The following DLG2 variants were observed in gnomAD, a reference collection of about 807,000 sequenced individuals.
The protein encoded by DLG2 is discs large MAGUK scaffold protein 2.
Under a neutral mutation model 132.5 loss-of-function variants are expected in DLG2, and 45 were observed. The ratio of observed to expected loss-of-function variants is 0.34; its 90% CI spans 0.27 to 0.44. DLG2 has a LOEUF of 0.44. DLG2 is among the 20% of genes least tolerant of loss of function. The pLI, the probability that DLG2 is intolerant of heterozygous loss-of-function variation, is 1.00. For missense variants in DLG2, 1,045 were observed against 1,196.9 expected, an observed-to-expected ratio of 0.87 and a Z score of 1.87; for synonymous variants, 424 against 419.6, an observed-to-expected ratio of 1.01 and a Z score of -0.13.
At chr11:84,364,449 T>C (rs959805310) in intron 7 of DLG2, among the ~76,000 whole-genome samples, 5 of 152,302 alleles carry the variant, frequency 3.3e-5, no homozygotes, top group South Asian at 2.1e-4. Flanking sequence ...AATCATGTCA[T>C]CTGCAAACAG....
chr11:84,767,035 A>T (rs958861094), intron 6 of DLG2, among the ~76,000 whole-genome samples: 1 of 152,046 alleles, frequency 6.6e-6, no homozygotes. Context: ...TATGTTGGAT[A>T]ACATTGGGAA....
intron 6 of DLG2, among the ~76,000 whole-genome samples, chr11:84,708,884 T>A (rs2153752266): frequency 6.6e-6 from 1 of 152,008 alleles, no homozygotes; most frequent in East Asian, 1.9e-4. Flanking sequence ...TTCTTTTGGA[T>A]GGTCATCTGG....
At chr11:83,736,678 ATG>A (rs1456876047) in intron 18 of DLG2, among the ~76,000 whole-genome samples, 2 of 152,152 alleles carry the variant, frequency 1.3e-5, no homozygotes, top group Non-Finnish European at 2.9e-5. Flanking sequence ...ATTTTTGAAA[ATG>A]TAGTTGCTCT....
intron 18 of DLG2, among the ~76,000 whole-genome samples, chr11:83,746,227 G>A (rs1306920812): frequency 6.6e-6 from 1 of 152,136 alleles, no homozygotes; most frequent in Non-Finnish European, 1.5e-5. Context: ...CCATTACTAG[G>A]TATATACCCA....
intron 10 of DLG2, among the ~76,000 whole-genome samples, chr11:84,078,722 G>A (rs2096861611): frequency 6.6e-6 from 1 of 152,114 alleles, no homozygotes; most frequent in Non-Finnish European, 1.5e-5. Flanking sequence ...TACATTAAAA[G>A]TCTGAAATAT....
Position 85,587,696 on chromosome 11 carries a change from A to G in DLG2, c.40+10961T>C, listed in dbSNP as rs115139322. Among the ~76,000 whole-genome samples, 150 of 152,338 alleles carry G rather than the reference A, an allele frequency of 9.8e-4. 1 individual carries two copies. Among genetic ancestry groups the G allele is most frequent in the African/African-American group, 3.4e-3 (142 of 41,594 alleles). ...AGCATTTAGGTCATTTACATTCAAC[A>G]TAAGTACTGAGATGTGAGGTACTGT... On this transcript the variant is annotated intron_variant, in intron 3 of 27. Coordinates refer to ENST00000376104, the MANE Select transcript of DLG2 (RefSeq NM_001142699.3).
At chr11:83,970,983 T>G (rs1203310576) in intron 12 of DLG2, among the ~76,000 whole-genome samples, 2 of 152,192 alleles carry the variant, frequency 1.3e-5, no homozygotes, top group Admixed American at 6.5e-5. Context: ...TGAGTTTGTT[T>G]GGGTTAATTA....
intron 6 of DLG2, among the ~76,000 whole-genome samples, chr11:84,801,903 C>G (rs1346673635): frequency 6.6e-6 from 1 of 152,068 alleles, no homozygotes; most frequent in African/African-American, 2.4e-5. Flanking sequence ...AAGAATTTCC[C>G]ACGTTCTTTG....
chr11:85,527,521 T>C (rs2074869680), intron 3 of DLG2, among the ~76,000 whole-genome samples: 1 of 152,194 alleles, frequency 6.6e-6, no homozygotes, highest in African/African-American at 2.4e-5. Context: ...GCAAAGGACA[T>C]GCACTCATTA....
chr11:85,152,162 AT>A (rs2077298789), intron 5 of DLG2, among the ~76,000 whole-genome samples: 1 of 152,186 alleles, frequency 6.6e-6, no homozygotes, highest in Admixed American at 6.5e-5. Context: ...CAATGCTGAA[AT>A]TCTCTAAAGT....
intron 6 of DLG2, among the ~76,000 whole-genome samples, chr11:85,028,142 G>T (rs1190241506): frequency 1.3e-5 from 2 of 152,096 alleles, no homozygotes; most frequent in East Asian, 1.9e-4. Context: ...GCAGTGGGTG[G>T]CTCCTTTCTG....
At chr11:83,982,202 A>G (rs2092846929) in intron 11 of DLG2, among the ~76,000 whole-genome samples, 1 of 152,128 alleles carries the variant, frequency 6.6e-6, no homozygotes. Flanking sequence ...TATGCTTTTT[A>G]TTGTTATATT....
At chr11:85,454,650 T>C (rs940068539) in intron 3 of DLG2, among the ~76,000 whole-genome samples, 1 of 152,126 alleles carries the variant, frequency 6.6e-6, no homozygotes, top group African/African-American at 2.4e-5. Context: ...TCTTCTAGAG[T>C]TTTTATAGTT....
chr11:85,361,367 A>G (rs1033093489), intron 3 of DLG2, among the ~76,000 whole-genome samples: 1 of 151,666 alleles, frequency 6.6e-6, no homozygotes, highest in African/African-American at 2.4e-5. Context: ...TCTTACATGC[A>G]TACATTCTGT....
intron 19 of DLG2, among the ~76,000 whole-genome samples, chr11:83,589,084 G>C (rs10898141): frequency 2.2e-3 from 322 of 145,618 alleles, no homozygotes; most frequent in African/African-American, 7.7e-3. Context: ...TTATCCAGGA[G>C]AACTTCCCCA....
intron 3 of DLG2, among the ~76,000 whole-genome samples, chr11:85,418,113 G>A (rs542289060): frequency 6.6e-6 from 1 of 152,158 alleles, no homozygotes; most frequent in East Asian, 1.9e-4. Flanking sequence ...CTTTACCTGT[G>A]TCCCAGAGAT....
chr11:84,180,732 A>AC (rs975532259), intron 8 of DLG2, among the ~76,000 whole-genome samples: 28 of 151,928 alleles, frequency 1.8e-4, no homozygotes, highest in Admixed American at 5.3e-4. Context: ...TTATATCTGA[A>AC]CCCCCCCAGA....
chr11:83,883,555 T>C (rs1242951001), intron 15 of DLG2, among the ~76,000 whole-genome samples: 1 of 152,210 alleles, frequency 6.6e-6, no homozygotes, highest in Non-Finnish European at 1.5e-5. Flanking sequence ...CATGAAAAAC[T>C]CTTTGCTTTA....
chr11:84,334,873 C>T (rs890142790), intron 7 of DLG2, among the ~76,000 whole-genome samples: 4 of 151,958 alleles, frequency 2.6e-5, no homozygotes, highest in Admixed American at 6.5e-5. Context: ...AGTGACATTT[C>T]GGCTGAGAAA....
Sources: gnomAD v4.1 joint callset for allele counts (sites outside exome capture counted in the v4.1 genomes callset) on GRCh38, gnomAD v4.1.1 for gene constraint, MANE v1.5 for transcripts, NCBI Gene and HGNC (gene_info 2026-07-23, HGNC 2026-07-21) for gene names.